USH2A: variants seen among roughly 807,000 people sequenced by gnomAD.
USH2A encodes Usher syndrome 2A (autosomal recessive, mild).
USH2A carries 443 observed loss-of-function variants against 538.9 expected under a neutral mutation model. The ratio of observed to expected loss-of-function variants is 0.82; its 90% CI spans 0.76 to 0.89. The LOEUF (loss-of-function observed/expected upper bound fraction) is 0.89. Ranked by LOEUF, USH2A falls within the 40% of genes least tolerant of loss-of-function variation. The pLI is 0.00. For synonymous variants in USH2A, 2,413 were observed against 2,273.5 expected, an observed-to-expected ratio of 1.06 and a Z score of -1.75; for missense variants, 6,633 against 6,324.8, an observed-to-expected ratio of 1.05 and a Z score of -1.65.
intron 61 of USH2A, among the ~76,000 whole-genome samples, chr1:215,720,404 G>C (rs547985561): frequency 6.6e-6 from 1 of 152,312 alleles, no homozygotes; most frequent in South Asian, 2.1e-4. Context: ...GGACAATTTT[G>C]ATGCAATGAC....
At chr1:215,769,136 T>A (rs1661212947) in intron 55 of USH2A, among the ~76,000 whole-genome samples, 1 of 152,224 alleles carries the variant, frequency 6.6e-6, no homozygotes, top group South Asian at 2.1e-4. Context: ...GAAACTAATA[T>A]AATTTGTGGG....
intron 64 of USH2A, among the ~76,000 whole-genome samples, chr1:215,655,086 T>G (rs1056082626): frequency 1.3e-5 from 2 of 152,246 alleles, no homozygotes; most frequent in African/African-American, 4.8e-5. Flanking sequence ...TGATTTTGGG[T>G]ACCTGTATCA....
chr1:216,342,029 C>T (rs1426182239), intron 4 of USH2A, among the ~76,000 whole-genome samples: 1 of 152,074 alleles, frequency 6.6e-6, no homozygotes, highest in Non-Finnish European at 1.5e-5. Flanking sequence ...TTTTGTACAA[C>T]AGAAGAAACT....
At chr1:215,811,724 T>A (rs570449773) in intron 49 of USH2A, among the ~76,000 whole-genome samples, 1 of 151,690 alleles carries the variant, frequency 6.6e-6, no homozygotes, top group African/African-American at 2.4e-5. Context: ...CTGACCAACA[T>A]GGAGAAAGCC....
At chr1:215,688,942 G>T (rs941445254) in intron 61 of USH2A, among the ~76,000 whole-genome samples, 1 of 152,024 alleles carries the variant, frequency 6.6e-6, no homozygotes, top group African/African-American at 2.4e-5. Flanking sequence ...TAGTGGCTTG[G>T]ACTAGGGTGG....
chr1:216,271,966 C>T (rs1445526976), intron 11 of USH2A, among the ~76,000 whole-genome samples: 1 of 152,026 alleles, frequency 6.6e-6, no homozygotes, highest in Non-Finnish European at 1.5e-5. Context: ...TTCTAATGGG[C>T]TTTTCTTTTA....
At chr1:216,390,864 C>A (rs945319410) in intron 3 of USH2A, among the ~76,000 whole-genome samples, 1 of 152,080 alleles carries the variant, frequency 6.6e-6, no homozygotes, top group African/African-American at 2.4e-5. Context: ...CATTACTCGT[C>A]AGATTTATTG....
Position 215,638,665 on chromosome 1 carries a change from T to C in USH2A, c.15052+490A>G, listed in dbSNP as rs569542417. ...GTGTATTGTAACTCCTTGCCTGATA[T>C]AAGTTCCATGAGGACTTTTTAAAAA... On this transcript the variant is annotated intron_variant, in intron 69 of 71. Coordinates refer to ENST00000307340, the MANE Select transcript of USH2A (RefSeq NM_206933.4). Among the ~76,000 whole-genome samples, 3 of 144,608 alleles carry C rather than the reference T, an allele frequency of 2.1e-5. No individual in the cohort carries two copies. The South Asian group carries it at 6.8e-4, about 33-fold the overall frequency. 94.9% of individuals were successfully genotyped at this position (144,608 alleles called of 152,430 possible).
intron 11 of USH2A, among the ~76,000 whole-genome samples, chr1:216,266,390 C>T (rs899881183): frequency 6.6e-6 from 1 of 152,000 alleles, no homozygotes; most frequent in Non-Finnish European, 1.5e-5. Context: ...TTATAGTAAA[C>T]TAAAAAGCTA....
intron 36 of USH2A, among the ~76,000 whole-genome samples, chr1:215,966,608 A>C (rs1402005916): frequency 6.6e-6 from 1 of 152,186 alleles, no homozygotes; most frequent in Admixed American, 6.5e-5. Flanking sequence ...TATTTTCATC[A>C]GAGAAAAGCT....
At chr1:216,016,640 G>A (rs1668718702) in intron 32 of USH2A, among the ~76,000 whole-genome samples, 1 of 152,134 alleles carries the variant, frequency 6.6e-6, no homozygotes. Flanking sequence ...CCAGTCATCA[G>A]TAGTTACAGT....
intron 44 of USH2A, among the ~76,000 whole-genome samples, chr1:215,862,373 T>A (rs559782697): frequency 1.5e-3 from 231 of 150,688 alleles, no homozygotes; most frequent in Non-Finnish European, 2.6e-3. Flanking sequence ...ATGAGAACAC[T>A]AGGACACAGG....
At chr1:215,697,539 G>C (rs1191413412) in intron 61 of USH2A, among the ~76,000 whole-genome samples, 1 of 149,372 alleles carries the variant, frequency 6.7e-6, no homozygotes, top group African/African-American at 2.5e-5. Context: ...TTTTTTTGTT[G>C]AGATGGAGTT....
At chr1:215,645,798 A>G (rs1042148362) in intron 67 of USH2A, among the ~76,000 whole-genome samples, 7 of 152,222 alleles carry the variant, frequency 4.6e-5, no homozygotes, top group Non-Finnish European at 8.8e-5. Context: ...CCAAAGCCTT[A>G]AAATATTAAA....
chr1:215,907,517 T>C (rs1474999565), intron 38 of USH2A, among the ~76,000 whole-genome samples: 5 of 152,058 alleles, frequency 3.3e-5, no homozygotes, highest in African/African-American at 9.7e-5. Flanking sequence ...CTTTTAAACT[T>C]ACACTCCTTG....
chr1:215,911,289 G>A (rs1665773970), intron 38 of USH2A, among the ~76,000 whole-genome samples: 2 of 151,804 alleles, frequency 1.3e-5, no homozygotes, highest in Non-Finnish European at 2.9e-5. Flanking sequence ...CTATCAAATA[G>A]TAGGTCTTAT....
intron 41 of USH2A, 46 bp from the exon 42 acceptor site, chr1:215,879,144 A>G (rs1207026887): frequency 6.5e-7 from 1 of 1,549,824 alleles, no homozygotes; most frequent in South Asian, 1.1e-5. Flanking sequence ...ATACAGGAAT[A>G]GAGCAATTGA....
intron 20 of USH2A, among the ~76,000 whole-genome samples, chr1:216,175,808 C>A (rs1572021637): frequency 6.6e-6 from 1 of 152,208 alleles, no homozygotes; most frequent in Admixed American, 6.5e-5. Context: ...GGTGCCCCAA[C>A]CACAGTCCCT....
Position 215,648,617 on chromosome 1 carries a change from T to C in USH2A, c.14493A>G (p.Gly4831=), listed in dbSNP as rs113716139. The part of the protein sequence containing the change: ...ELRTHPAPPS[G]LSSPQIGTLA... ...GCGTCCCGATTTGTGGAGAGGACAG[T>C]CCTGAGGGTGGGGCAGGATGGGTTC... The change falls in exon 66 of 72, where the codon GGA becomes GGG. Residue 4831 remains glycine, a synonymous_variant. Transcript: ENST00000307340. The C allele has an allele frequency of 1.1e-5, 18 of 1,614,170 alleles. No homozygotes were observed. Among genetic ancestry groups the C allele is most frequent in the Non-Finnish European group, 1.5e-5 (18 of 1,180,014 alleles).
Sources: gnomAD v4.1 joint callset for allele counts (sites outside exome capture counted in the v4.1 genomes callset) on GRCh38, gnomAD v4.1.1 for gene constraint, MANE v1.5 for transcripts, NCBI Gene and HGNC (gene_info 2026-07-23, HGNC 2026-07-21) for gene names.